The following SERPINB12 variants were observed in gnomAD, a reference collection of about 807,000 sequenced individuals.
SERPINB12 encodes serpin B12.
A neutral mutation model predicts 41.1 loss-of-function variants in SERPINB12; 57 were observed. The ratio of observed to expected loss-of-function variants is 1.39; its 90% CI spans 1.12 to 1.73. The LOEUF is 1.73. Ranked by LOEUF, SERPINB12 falls within the 40% of genes most tolerant of loss-of-function variation. The pLI is 0.00. For synonymous variants in SERPINB12, 180 were observed against 181.3 expected (o/e 0.99, Z 0.06); for missense variants, 536 against 501.9 (o/e 1.07, Z -0.65).
At chr18:63,536,953 T>A in the SERPINB12 span, among the ~76,000 whole-genome samples, 1 of 152,036 alleles carries the variant, frequency 6.6e-6, no homozygotes, top group Non-Finnish European at 1.5e-5. Context: ...TTTATTTAAA[T>A]CCCTACCTCA....
At chr18:63,529,232 A>T in the SERPINB12 span, among the ~76,000 whole-genome samples, 3 of 152,342 alleles carry the variant, frequency 2.0e-5, no homozygotes, top group Middle Eastern at 6.8e-3. Context: ...AAGGCAAAAC[A>T]AGGAGGATTA....
At chr18:63,535,377 C>A in the SERPINB12 span, among the ~76,000 whole-genome samples, 2 of 151,940 alleles carry the variant, frequency 1.3e-5, no homozygotes, top group Admixed American at 1.3e-4. Flanking sequence ...ATATGCCTCC[C>A]GAGGTGATGC....
the SERPINB12 span, among the ~76,000 whole-genome samples, chr18:63,524,126 T>C: frequency 6.6e-6 from 1 of 152,102 alleles, no homozygotes; most frequent in Non-Finnish European, 1.5e-5. Flanking sequence ...AGAAAAACTT[T>C]TTTTTTTGCT....
At chr18:63,552,964 G>A (rs1394758088) in intron 1 of SERPINB12, among the ~76,000 whole-genome samples, 1 of 152,098 alleles carries the variant, frequency 6.6e-6, no homozygotes, top group East Asian at 1.9e-4. Context: ...AACTTTAACA[G>A]CAACTGTCCA....
rs752655035 is a variant in SERPINB12 at position 63,561,145 on chromosome 18, A to T, written c.505A>T (p.Lys169Ter). The part of the protein sequence containing the change: ...HTTIESVDFQ[K>*]NPEKSRQEIN... The stretch of plus-strand genomic sequence containing the variant: ...GACGATTGAAAGTGTTGATTTCCAA[A>T]AAAACCCTGAAAAATCCAGACAAGA... The change falls in exon 5 of 8, where the codon AAA becomes TAA. Residue 169 changes from lysine to a stop codon, truncating the protein, a stop_gained. Transcript: ENST00000382768. LOFTEE classifies it high-confidence loss of function. 6.2e-7 allele frequency: 1 copy of T among 1,613,826 alleles called. No individual in the cohort carries two copies. The highest frequency in any genetic ancestry group is 8.5e-7 in the Non-Finnish European group (1 of 1,179,726).
At chr18:63,547,417 T>A (rs1172226074) in intron 1 of SERPINB12, among the ~76,000 whole-genome samples, 1 of 152,118 alleles carries the variant, frequency 6.6e-6, no homozygotes, top group African/African-American at 2.4e-5. Flanking sequence ...TCACAAGTAT[T>A]TCTTTGTTTT....
intron 1 of SERPINB12, among the ~76,000 whole-genome samples, chr18:63,552,371 T>C (rs925270943): frequency 6.6e-6 from 1 of 152,212 alleles, no homozygotes; most frequent in Non-Finnish European, 1.5e-5. Flanking sequence ...TAAATTTCTT[T>C]CTCTTTTCTT....
At chr18:63,534,142 C>A in the SERPINB12 span, among the ~76,000 whole-genome samples, 1 of 152,128 alleles carries the variant, frequency 6.6e-6, no homozygotes, top group Non-Finnish European at 1.5e-5. Flanking sequence ...ACTCACAGGC[C>A]TTGTTGAAAA....
chr18:63,536,975 A>C, the SERPINB12 span, among the ~76,000 whole-genome samples: 7 of 152,170 alleles, frequency 4.6e-5, no homozygotes. Flanking sequence ...ATCGTAGACC[A>C]AAATAAATTC....
intron 3 of SERPINB12, among the ~76,000 whole-genome samples, chr18:63,559,083 T>A (rs1910808362): frequency 6.8e-6 from 1 of 146,796 alleles, no homozygotes; most frequent in African/African-American, 2.5e-5. Context: ...CCTTCTCTCC[T>A]TCTCTCTTTC....
chr18:63,545,324 G>A (rs1910363162), intron 1 of SERPINB12, among the ~76,000 whole-genome samples: 1 of 151,920 alleles, frequency 6.6e-6, no homozygotes, highest in East Asian at 1.9e-4. Flanking sequence ...GGGTACTAGA[G>A]AGGCTCGCTT....
intron 2 of SERPINB12, 56 bp from the exon 3 acceptor site, chr18:63,558,296 A>G: frequency 6.5e-7 from 1 of 1,534,038 alleles, no homozygotes; most frequent in Non-Finnish European, 8.8e-7. Flanking sequence ...TTCTGAAGTT[A>G]TTCAGGCTTC....
chr18:63,567,205 G>T lies in SERPINB12; in HGVS notation c.*194G>T, dbSNP rs1280134321. On this transcript the variant is annotated 3_prime_UTR_variant, in exon 8 of 8. Transcript: ENST00000382768. ...CATCTGAGTCTGTTAGTATTGAAGG[G>T]CTGTTGTTCTCTACCCTAAACTTTC... 6.6e-6 allele frequency among the ~76,000 whole-genome samples: 1 copy of T among 152,160 alleles called. No individual in the cohort carries two copies. Among genetic ancestry groups the T allele is most frequent in the Non-Finnish European group, 1.5e-5 (1 of 68,040 alleles).
Position 63,561,065 on chromosome 18 carries a change from C to A in SERPINB12, c.445-20C>A, listed in dbSNP as rs1910888412. 3 of 1,490,162 alleles carry A rather than the reference C, an allele frequency of 2.0e-6. No individual in the cohort carries two copies. The Admixed American group carries it at 5.1e-5, about 25-fold the overall frequency. The allele number at this position is 1,490,162 out of a possible 1,614,324, so 92.3% of individuals were successfully genotyped here. On this transcript the variant is annotated intron_variant, in intron 4 of 7. Coordinates refer to ENST00000382768, the MANE Select transcript of SERPINB12 (RefSeq NM_001307928.2). Reference sequence around the variant, plus strand: ...TGCCTGACTTTATTGCATTATTTCCCTTTTATTCCAATGGAACAGGAATAC... The same window carrying A: ...TGCCTGACTTTATTGCATTATTTCCATTTTATTCCAATGGAACAGGAATAC...
chr18:63,567,068 C>G lies in SERPINB12; in HGVS notation c.*57C>G. ...GAGGAAAATATCAATACAATCTTCC[C>G]CTGGCATAAGATGGGCATTTGAGTT... is the stretch of plus-strand genomic sequence containing the variant. On this transcript the variant is annotated 3_prime_UTR_variant, in exon 8 of 8. Coordinates refer to ENST00000382768, the MANE Select transcript of SERPINB12 (RefSeq NM_001307928.2). The G allele has an allele frequency of 6.7e-7, 1 of 1,490,768 alleles. No homozygotes were observed. Among genetic ancestry groups the G allele is most frequent in the Non-Finnish European group, 9.0e-7 (1 of 1,114,084 alleles). The allele number at this position is 1,490,768 out of a possible 1,614,324, so 92.3% of individuals were successfully genotyped here.
At chr18:63,561,277 A>C in intron 5 of SERPINB12, 75 bp downstream of exon 5, 1 of 847,500 alleles carries the variant, frequency 1.2e-6, no homozygotes, top group South Asian at 1.5e-5. Flanking sequence ...AGCTTTGCAG[A>C]CTGCTGGTCT....
chr18:63,565,526 CTGG>C lies in SERPINB12; in HGVS notation c.788_790del (p.Leu263_Glu264delinsGln), dbSNP rs1435946922. On this transcript the variant is annotated inframe_deletion, in exon 7 of 8. Transcript: ENST00000382768. The stretch of plus-strand genomic sequence containing the variant: ...CATAGAGGAGGTGAAGGCACAGATC[CTGG>C]AAATGAGGTACACCAAGGGGAAGCT... 15 of 1,614,096 alleles carry C rather than the reference CTGG, an allele frequency of 9.3e-6. No homozygotes were observed. In the African/African-American group the frequency reaches 2.0e-4, roughly 22 times the overall value.
At chr18:63,539,703 A>T (rs1282282074), upstream of SERPINB12, among the ~76,000 whole-genome samples, 3 of 152,066 alleles carry the variant, frequency 2.0e-5, no homozygotes, top group African/African-American at 7.2e-5. Flanking sequence ...AAAATGAGTT[A>T]TATTCCCCAA....
chr18:63,532,311 A>C, the SERPINB12 span, among the ~76,000 whole-genome samples: 1 of 152,190 alleles, frequency 6.6e-6, no homozygotes, highest in Admixed American at 6.5e-5. Context: ...TAGATATTTT[A>C]ATGGTTGTCT....
Sources: gnomAD v4.1 joint callset for allele counts (sites outside exome capture counted in the v4.1 genomes callset) on GRCh38, gnomAD v4.1.1 for gene constraint, MANE v1.5 for transcripts, NCBI Gene and HGNC (gene_info 2026-07-23, HGNC 2026-07-21) for gene names.